CPNE8: variants seen among roughly 807,000 people sequenced by gnomAD.
CPNE8 encodes the protein copine 8, also known as copine-8.
CPNE8 carries 45 observed loss-of-function variants against 81.5 expected under a neutral mutation model. That is an observed-to-expected ratio of 0.55 (90% confidence interval 0.44 to 0.71). The LOEUF is 0.71. Among genes scored for constraint, CPNE8 ranks in the 30% least tolerant of loss-of-function variants. The pLI is 0.00. For synonymous variants in CPNE8, 252 were observed against 226.3 expected (o/e 1.11, Z -1.02); for missense variants, 594 against 672.1 (o/e 0.88, Z 1.28).
At chr12:38,850,099 G>C (rs1258578555) in intron 3 of CPNE8, among the ~76,000 whole-genome samples, 1 of 152,046 alleles carries the variant, frequency 6.6e-6, no homozygotes, top group East Asian at 1.9e-4. Flanking sequence ...CAAATAACCA[G>C]GGGCTGGCAG....
At chr12:38,866,392 C>G (rs1430360897) in intron 3 of CPNE8, among the ~76,000 whole-genome samples, 3 of 152,152 alleles carry the variant, frequency 2.0e-5, no homozygotes, top group African/African-American at 7.2e-5. Context: ...TTCAGTTGTT[C>G]TGCAACATGC....
At chr12:38,773,558 C>A (rs1180971378) in intron 7 of CPNE8, among the ~76,000 whole-genome samples, 1 of 152,008 alleles carries the variant, frequency 6.6e-6, no homozygotes, top group African/African-American at 2.4e-5. Context: ...CCTCACTCGG[C>A]TAAATAGTGA....
intron 6 of CPNE8, among the ~76,000 whole-genome samples, chr12:38,808,398 T>G (rs1487012440): frequency 6.6e-6 from 1 of 151,858 alleles, no homozygotes; most frequent in South Asian, 2.1e-4. Context: ...ATGTGGCACA[T>G]ATACACCATG....
At chr12:38,734,783 G>A (rs1684412) in intron 10 of CPNE8, among the ~76,000 whole-genome samples, 145,477 of 152,170 alleles carry the variant, frequency 0.96, 69,709 homozygotes, top group East Asian at 1. Context: ...TATGAAGACT[G>A]TAACTCCAGA....
intron 10 of CPNE8, among the ~76,000 whole-genome samples, chr12:38,757,435 A>G (rs1009567060): frequency 6.6e-6 from 1 of 152,000 alleles, no homozygotes; most frequent in African/African-American, 2.4e-5. Context: ...AATTTGTATA[A>G]TAATCCACAC....
intron 6 of CPNE8, among the ~76,000 whole-genome samples, chr12:38,783,447 G>A (rs188309777): frequency 6.6e-6 from 1 of 152,268 alleles, no homozygotes. Context: ...GTGGTGCTGA[G>A]AACATTTCCG....
intron 13 of CPNE8, among the ~76,000 whole-genome samples, chr12:38,710,818 T>G (rs1940236578): frequency 6.6e-6 from 1 of 152,188 alleles, no homozygotes; most frequent in African/African-American, 2.4e-5. Context: ...GTAATATATC[T>G]TATGCATATG....
chr12:38,859,940 TGTG>T (rs1481418369), intron 3 of CPNE8, among the ~76,000 whole-genome samples: 1 of 152,130 alleles, frequency 6.6e-6, no homozygotes, highest in African/African-American at 2.4e-5. Context: ...ACATGTAAGA[TGTG>T]GAACTGTAAA....
chr12:38,819,497 G>A (rs954104395), intron 6 of CPNE8, among the ~76,000 whole-genome samples: 1 of 152,096 alleles, frequency 6.6e-6, no homozygotes, highest in African/African-American at 2.4e-5. Flanking sequence ...GCCGGGCGCG[G>A]TGGCTCACGT....
chr12:38,680,424 A>G (rs2136653675), intron 16 of CPNE8, among the ~76,000 whole-genome samples: 1 of 152,194 alleles, frequency 6.6e-6, no homozygotes, highest in Non-Finnish European at 1.5e-5. Context: ...TGTCACCCCA[A>G]ACTACTTTTG....
chr12:38,717,168 G>A (rs570149824), intron 13 of CPNE8, among the ~76,000 whole-genome samples: 129 of 151,766 alleles, frequency 8.5e-4, no homozygotes, highest in African/African-American at 2.6e-3. Context: ...GGTGAAAAAG[G>A]AACACTTTTA....
At chr12:38,851,063 A>G (rs1592137132) in intron 3 of CPNE8, among the ~76,000 whole-genome samples, 1 of 152,218 alleles carries the variant, frequency 6.6e-6, no homozygotes, top group East Asian at 1.9e-4. Context: ...ATACAGCAAG[A>G]ATGCCCTCAC....
intron 18 of CPNE8, 147 bp from the exon 19 acceptor site, chr12:38,670,949 T>C: frequency 1.8e-6 from 1 of 547,512 alleles, no homozygotes; most frequent in African/African-American, 2.0e-5. Flanking sequence ...TCTTCATTCA[T>C]TTCTCATACA....
chr12:38,656,623 G>T (rs117840670), intron 19 of CPNE8, among the ~76,000 whole-genome samples: 2,034 of 152,206 alleles, frequency 0.013, 31 homozygotes, highest in South Asian at 0.044. Context: ...TCTTGAGCAG[G>T]TTATTTTCTA....
intron 1 of CPNE8, among the ~76,000 whole-genome samples, chr12:38,881,633 TGAG>T (rs1431292334): frequency 6.6e-6 from 1 of 152,202 alleles, no homozygotes; most frequent in Non-Finnish European, 1.5e-5. Context: ...AACAGAAATT[TGAG>T]GAGAGGAGAA....
intron 6 of CPNE8, among the ~76,000 whole-genome samples, chr12:38,781,342 A>G (rs1942048899): frequency 6.6e-6 from 1 of 152,084 alleles, no homozygotes; most frequent in Non-Finnish European, 1.5e-5. Context: ...CTCCAGATTA[A>G]ATGCAAATAT....
At chr12:38,738,967 C>T (rs1278604619) in intron 10 of CPNE8, among the ~76,000 whole-genome samples, 1 of 151,968 alleles carries the variant, frequency 6.6e-6, no homozygotes. Flanking sequence ...GTGCATACCA[C>T]CACACCCAGC....
chr12:38,787,208 A>G (rs1444943212), intron 6 of CPNE8, among the ~76,000 whole-genome samples: 1 of 152,126 alleles, frequency 6.6e-6, no homozygotes, highest in African/African-American at 2.4e-5. Flanking sequence ...ATTTTATGTC[A>G]CAAAACAAGT....
intron 10 of CPNE8, among the ~76,000 whole-genome samples, chr12:38,752,776 T>G (rs531550091): frequency 6.6e-6 from 1 of 152,322 alleles, no homozygotes; most frequent in Non-Finnish European, 1.5e-5. Flanking sequence ...TAATTTGTAT[T>G]CCAAATTTGA....
Sources: allele counts gnomAD v4.1 joint callset (sites outside exome capture counted in the v4.1 genomes callset), GRCh38; gene constraint gnomAD v4.1.1; transcripts MANE v1.5; gene names NCBI Gene and HGNC (gene_info 2026-07-23, HGNC 2026-07-21).